The following TGM2 variants were observed in gnomAD, a reference collection of about 807,000 sequenced individuals.
The protein encoded by TGM2 is protein-glutamine gamma-glutamyltransferase 2.
Under a neutral mutation model 75.6 loss-of-function variants are expected in TGM2, and 53 were observed. The ratio of observed to expected loss-of-function variants is 0.70; its 90% CI spans 0.56 to 0.88. The LOEUF is 0.88. Ranked by LOEUF, TGM2 falls within the 40% of genes least tolerant of loss-of-function variation. The probability of loss-of-function intolerance (pLI) is 0.00; values close to 1 mark genes in which losing one functional copy is unlikely to be tolerated. For synonymous variants in TGM2, 374 were observed against 381.1 expected (o/e 0.98, Z 0.22); for missense variants, 842 against 928.5 (o/e 0.91, Z 1.21).
Position 38,161,669 on chromosome 20 carries a change from C to A in TGM2, c.11-70G>T, listed in dbSNP as rs2075255705. 3 of 1,573,620 alleles carry A rather than the reference C, an allele frequency of 1.9e-6. No homozygotes were observed. The Admixed American group carries it at 5.0e-5, about 26-fold the overall frequency. ...AGACCTCCAGTGATGCACCTGCCCT[C>A]CCTAGACATGGGGGCCTTGTGCCCT... On this transcript the variant is annotated intron_variant, in intron 1 of 12. Transcript: ENST00000361475.
Position 38,142,133 on chromosome 20 carries a change from C to A in TGM2, c.926G>T (p.Ser309Ile). 1 of 1,614,194 alleles carries A rather than the reference C, an allele frequency of 6.2e-7. No homozygotes were observed. Among genetic ancestry groups the A allele is most frequent in the East Asian group, 2.2e-5 (1 of 44,880 alleles). ...TNYNSAHDQN[S>I]NLLIEYFRNE... is the part of the protein sequence containing the mutation. ...GCGGAAGTACTCGATGAGAAGGTTG[C>A]TGTTCTGGTCATGGGCCGAGTTGTA... is the stretch of plus-strand genomic sequence containing the variant. Residue 309 changes from serine (S) to isoleucine (I), a missense_variant, in exon 7 of 13, where the codon AGC becomes ATC. By Grantham distance (142) the Ser-to-Ile change is moderately radical (BLOSUM62 -2). Transcript: ENST00000361475.
At chr20:38,155,339 C>CTTTTTA (rs1412499921) in intron 3 of TGM2, among the ~76,000 whole-genome samples, 2 of 152,052 alleles carry the variant, frequency 1.3e-5, no homozygotes, top group Non-Finnish European at 2.9e-5. Context: ...CATTCTGCTT[C>CTTTTTA]TTTTTATTTT....
Position 38,148,005 on chromosome 20 carries a change from G to C in TGM2, c.637C>G (p.Arg213Gly), listed in dbSNP as rs771803303. The change falls in exon 5 of 13, where the codon CGC (arginine) becomes GGC (glycine). Residue 213 changes from arginine to glycine, a missense_variant. Arg to Gly is a moderately radical substitution (Grantham distance 125). Transcript: ENST00000361475. ...FLKNAGRDCSRRSSPVYVGRV... is the reference protein window; with the variant it reads ...FLKNAGRDCSGRSSPVYVGRV... ...CCCACGTAGACGGGGCTGCTGCGGC[G>C]GGAGCAGTCACGGCCGGCGTTCTTC... The C allele has an allele frequency of 1.9e-6, 3 of 1,610,366 alleles. No homozygotes were observed. Among genetic ancestry groups the C allele is most frequent in the Non-Finnish European group, 2.5e-6 (3 of 1,178,316 alleles).
At chr20:38,148,429 A>G (rs2075073711) in intron 4 of TGM2, among the ~76,000 whole-genome samples, 1 of 152,096 alleles carries the variant, frequency 6.6e-6, no homozygotes, top group Admixed American at 6.5e-5. Context: ...GGGCCCTGTC[A>G]CTGTCCCTTT....
rs772787175 is a variant in TGM2 at position 38,146,873 on chromosome 20, C to G, written c.703G>C (p.Gly235Arg). Reference sequence around the variant, plus strand: ...TTGTCCCAGCGTCCCAGCAGCACACCCTGGTCATCGTTGCAGTTGACCTGC... The same window carrying G: ...TTGTCCCAGCGTCCCAGCAGCACACGCTGGTCATCGTTGCAGTTGACCTGC... ...SGMVNCNDDQ[G>R]VLLGRWDNNY... Residue 235 changes from glycine to arginine, a missense_variant, in exon 6 of 13, where the codon GGT becomes CGT. Physicochemically the swap from Gly to Arg is moderately radical, Grantham distance 125 (BLOSUM62 -2). Coordinates refer to ENST00000361475, the MANE Select transcript of TGM2 (RefSeq NM_004613.4). 36 of 1,613,680 alleles carry G rather than the reference C, an allele frequency of 2.2e-5. No homozygotes were observed. Among genetic ancestry groups the G allele is most frequent in the Non-Finnish European group, 3.1e-5 (36 of 1,180,038 alleles).
Position 38,151,002 on chromosome 20 carries a change from C to T in TGM2, c.489G>A (p.Gln163=), listed in dbSNP as rs2075109545. The T allele has an allele frequency of 6.2e-7, 1 of 1,614,184 alleles. No homozygotes were observed. Among genetic ancestry groups the T allele is most frequent in the Non-Finnish European group, 8.5e-7 (1 of 1,180,022 alleles). The change falls in exon 4 of 13, where the codon CAG becomes CAA. Residue 163 remains glutamine, a synonymous_variant. Transcript: ENST00000361475. ...EEERQEYVLT[Q]QGFIYQGSAK... The stretch of plus-strand genomic sequence containing the variant: ...CCGAGCCCTGGTAGATAAAGCCCTG[C>T]TGGGTGAGGACATACTCCTGCCGCT...
intron 2 of TGM2, among the ~76,000 whole-genome samples, chr20:38,160,253 G>C (rs951906546): frequency 6.6e-6 from 1 of 152,210 alleles, no homozygotes. Context: ...TTCCCAACCC[G>C]AGTCCTAGCC....
intron 2 of TGM2, among the ~76,000 whole-genome samples, chr20:38,159,399 C>T (rs375145321): frequency 8.6e-5 from 13 of 151,988 alleles, no homozygotes; most frequent in African/African-American, 1.9e-4. Flanking sequence ...GAAAAAATAA[C>T]GCTTGGGTAC....
intron 5 of TGM2, among the ~76,000 whole-genome samples, chr20:38,147,356 C>A (rs1251209610): frequency 1.3e-5 from 2 of 152,136 alleles, no homozygotes; most frequent in Admixed American, 1.3e-4. Flanking sequence ...TCTGCACCCA[C>A]GGGCCCTGCT....
chr20:38,132,612 G>C (rs2076386), intron 10 of TGM2, 112 bp from the exon 11 acceptor site: 7 of 1,431,176 alleles, frequency 4.9e-6, no homozygotes, highest in African/African-American at 1.4e-5. Flanking sequence ...GTCACACAGC[G>C]GGGGAATGGC....
chr20:38,161,519 G>C lies in TGM2; in HGVS notation c.91C>G (p.Leu31Val). The C allele has an allele frequency of 9.3e-6, 15 of 1,614,172 alleles. No individual in the cohort carries two copies. The highest frequency in any genetic ancestry group is 1.3e-5 in the Non-Finnish European group (15 of 1,180,026). The change falls in exon 2 of 13, where the codon CTG becomes GTG. Residue 31 changes from leucine (L) to valine (V), a missense_variant. Leu to Val is a conservative substitution (Grantham distance 32). Coordinates refer to ENST00000361475, the MANE Select transcript of TGM2 (RefSeq NM_004613.4). ...HHTADLCREK[L>V]VVRRGQPFWL... is the part of the protein sequence containing the mutation. ...AAGGGCTGGCCCCGTCGCACCACCAGCTTCTCCCGGCACAGGTCGGCCGTG... is the reference window on the plus strand; with the variant it reads ...AAGGGCTGGCCCCGTCGCACCACCACCTTCTCCCGGCACAGGTCGGCCGTG...
Position 38,155,853 on chromosome 20 carries a change from A to C in TGM2, c.427T>G (p.Cys143Gly), listed in dbSNP as rs1395720592. The C allele has an allele frequency of 1.9e-6, 3 of 1,597,726 alleles. 1 individual carries two copies. The East Asian group carries it at 6.8e-5, about 36-fold the overall frequency. Residue 143 changes from cysteine to glycine, a missense_variant, in exon 3 of 13, where the codon TGC becomes GGC. By Grantham distance (159) the Cys-to-Gly change is radical. Transcript: ENST00000361475. ...TGGATGGCGTGTGGCTCACCTGGGCACCAGGCGTTGAAGAGCAAAATGAAG... is the reference window on the plus strand; with the variant it reads ...TGGATGGCGTGTGGCTCACCTGGGCCCCAGGCGTTGAAGAGCAAAATGAAG... ...GHFILLFNAW[C>G]PADAVYLDSE...
chr20:38,127,932 G>T lies in TGM2; in HGVS notation c.*2287C>A, dbSNP rs2074782957. 6.6e-6 allele frequency: 1 copy of T among 152,140 alleles called. No homozygotes were observed. Among genetic ancestry groups the T allele is most frequent in the Non-Finnish European group, 1.5e-5 (1 of 68,028 alleles). 9.4% of individuals were successfully genotyped at this position (152,140 alleles called of 1,614,324 possible). A position where few individuals can be genotyped will look rare whatever the true frequency, so the allele number is the denominator to read the frequency against. On this transcript the variant is annotated 3_prime_UTR_variant, in exon 13 of 13. Coordinates refer to ENST00000361475, the MANE Select transcript of TGM2 (RefSeq NM_004613.4). The stretch of plus-strand genomic sequence containing the variant: ...TAGGAAACATTCATTTACCAATTCA[G>T]CATTTATTAGTGTATTTAAGAGATA...
At chr20:38,160,059 G>C (rs989584370) in intron 2 of TGM2, among the ~76,000 whole-genome samples, 5 of 152,230 alleles carry the variant, frequency 3.3e-5, no homozygotes, top group Non-Finnish European at 7.3e-5. Flanking sequence ...GGGAGCCCCT[G>C]GGCAGTGGGT....
At chr20:38,142,339 G>A (rs1027408808) in intron 6 of TGM2, 140 bp from the exon 7 acceptor site, 14 of 1,348,986 alleles carry the variant, frequency 1.0e-5, no homozygotes, top group Non-Finnish European at 1.3e-5. Context: ...CTTCCTGCCG[G>A]GACAATGGCG....
At chr20:38,154,206 AG>A (rs1393771465) in intron 3 of TGM2, among the ~76,000 whole-genome samples, 4 of 152,232 alleles carry the variant, frequency 2.6e-5, no homozygotes, top group African/African-American at 7.2e-5. Flanking sequence ...AAATATGGAA[AG>A]GTGAAAAATT....
At chr20:38,154,015 C>T (rs1025534016) in intron 3 of TGM2, among the ~76,000 whole-genome samples, 3 of 152,110 alleles carry the variant, frequency 2.0e-5, no homozygotes, top group Admixed American at 1.3e-4. Flanking sequence ...CGGTGGGTTT[C>T]GCCATGTTGG....
At chr20:38,157,330 G>A (rs1003884113) in intron 2 of TGM2, among the ~76,000 whole-genome samples, 1 of 151,870 alleles carries the variant, frequency 6.6e-6, no homozygotes, top group African/African-American at 2.4e-5. Flanking sequence ...GCCAGGGGCC[G>A]ACTGGAAGCC....
At chr20:38,133,791 G>A (rs2074864899) in intron 10 of TGM2, 1 of 152,350 alleles carries the variant, frequency 6.6e-6, no homozygotes. Context: ...CGGGAGTGGT[G>A]GGGTGAGCCT....
Sources: allele counts gnomAD v4.1 joint callset (sites outside exome capture counted in the v4.1 genomes callset), GRCh38; gene constraint gnomAD v4.1.1; transcripts MANE v1.5; gene names NCBI Gene and HGNC (gene_info 2026-07-23, HGNC 2026-07-21).